RAB5B: variants seen among roughly 807,000 people sequenced by gnomAD.
RAB5B encodes the protein ras-related protein Rab-5B.
RAB5B carries 11 observed loss-of-function variants against 28.6 expected under a neutral mutation model. The ratio of observed to expected loss-of-function variants is 0.38; its 90% CI spans 0.24 to 0.64. The LOEUF is 0.64. RAB5B is among the 30% of genes least tolerant of loss of function. The pLI, the probability that RAB5B is intolerant of heterozygous loss-of-function variation, is 0.53. For missense variants in RAB5B, 169 were observed against 265.6 expected, an observed-to-expected ratio of 0.64 and a Z score of 2.53; for synonymous variants, 93 against 97.9, an observed-to-expected ratio of 0.95 and a Z score of 0.29.
rs186761008 is a variant in RAB5B at position 55,986,862 on chromosome 12, C to A, written c.-92-7C>A. The A allele has an allele frequency of 6.2e-3, 5,450 of 884,894 alleles. 61 individuals are homozygous for A. Among genetic ancestry groups the A allele is most frequent in the Middle Eastern group, 9.9e-3 (29 of 2,938 alleles). The allele number at this position is 884,894 out of a possible 1,614,324, so 54.8% of individuals were successfully genotyped here. On this transcript the variant is annotated splice_polypyrimidine_tract_variant and splice_region_variant and intron_variant, in intron 1 of 5. Transcript: ENST00000360299. ...TGTTTAATTTTATTCACTTTTTTTT[C>A]TTGCAGGAGTGTTGAAGCCTGGAAA... is the stretch of plus-strand genomic sequence containing the variant.
Position 55,996,003 on chromosome 12 carries a change from A to ATATATATATATATTTTTTTTTTTTTTTTT in RAB5B, c.*3792_*3793insATATATATATATTTTTTTTTTTTTTTTTT. ...TATATACATATATATATATATATAT[A>ATATATATATATATTTTTTTTTTTTTTTTT]TTTTTTTTTTAACAACTGGTAGGAT... On this transcript the variant is annotated 3_prime_UTR_variant, in exon 6 of 6. Transcript: ENST00000360299. The ATATATATATATATTTTTTTTTTTTTTTTT allele has an allele frequency of 3.1e-5, 3 of 97,400 alleles. No individual in the cohort carries two copies. Among genetic ancestry groups the ATATATATATATATTTTTTTTTTTTTTTTT allele is most frequent in the African/African-American group, 1.4e-4 (3 of 21,142 alleles). The allele number at this position is 97,400 out of a possible 1,614,324, so 6.0% of individuals were successfully genotyped here. A position where few individuals can be genotyped will look rare whatever the true frequency, so the allele number is the denominator to read the frequency against.
intron 2 of RAB5B, among the ~76,000 whole-genome samples, chr12:55,988,925 CTAAT>C (rs763170412): frequency 2.3e-3 from 321 of 142,498 alleles, no homozygotes; most frequent in Non-Finnish European, 4.0e-3. Context: ...TTAAAATCTT[CTAAT>C]TAATTCTTTT....
rs1890168628 is a variant in RAB5B, at chr12:55,992,606, T to C, written c.*394T>C. On this transcript the variant is annotated 3_prime_UTR_variant, in exon 6 of 6. Transcript: ENST00000360299. ...CCCTTCTGCTTTTGGTCAGTCCCTG[T>C]TCTTGAGCCTCTTTTCTCCTCTCCC... 2.2e-6 allele frequency: 1 copy of C among 444,448 alleles called. No homozygotes were observed. The highest frequency in any genetic ancestry group is 2.0e-5 in the African/African-American group (1 of 48,994). The allele number at this position is 444,448 out of a possible 1,614,324, so 27.5% of individuals were successfully genotyped here.
intron 1 of RAB5B, among the ~76,000 whole-genome samples, chr12:55,979,874 C>G (rs1889750887): frequency 6.6e-6 from 1 of 152,192 alleles, no homozygotes; most frequent in South Asian, 2.1e-4. Flanking sequence ...GGCAGGAGTA[C>G]CTGACTAGGA....
At chr12:55,981,448 C>A (rs892435698) in intron 1 of RAB5B, among the ~76,000 whole-genome samples, 1 of 152,132 alleles carries the variant, frequency 6.6e-6, no homozygotes, top group African/African-American at 2.4e-5. Flanking sequence ...TGGCTCTGAT[C>A]TGCCTGACTG....
At chr12:55,991,863 GT>G in intron 5 of RAB5B, 1 of 476,102 alleles carries the variant, frequency 2.1e-6, no homozygotes, top group Non-Finnish European at 3.8e-6. Context: ...GGAGGTGGAG[GT>G]TGCAGTGAGC....
At position 55,980,453 on chromosome 12, in the gene RAB5B, A is replaced by C. The variant is rs558863633; in HGVS notation, c.-93+6314A>C. ...CAGGGAGCACTTGTTGGTGTTCTTT[A>C]TGTCACAAGTTTTCAGGTCAGTACT... is the stretch of plus-strand genomic sequence containing the variant. On this transcript the variant is annotated intron_variant, in intron 1 of 5. Coordinates refer to ENST00000360299, the MANE Select transcript of RAB5B (RefSeq NM_002868.4). 3.0e-5 allele frequency: 47 copies of C among 1,591,546 alleles called. 1 individual carries two copies. In the African/African-American group the frequency reaches 5.6e-4, roughly 19 times the overall value.
rs202115829 is a variant in RAB5B, at chr12:55,977,461, A to AT, written c.-93+3329dup. Among the ~76,000 whole-genome samples the AT allele has an allele frequency of 4.8e-3, 735 of 152,130 alleles. 6 individuals carry two copies. Among genetic ancestry groups the AT allele is most frequent in the African/African-American group, 0.017 (686 of 41,478 alleles). ...CAAGTCATACCTCATATCTTTTAAA[A>AT]TTTTTTTCCTGGACAATCCCTACTG... On this transcript the variant is annotated intron_variant, in intron 1 of 5. Coordinates refer to ENST00000360299, the MANE Select transcript of RAB5B (RefSeq NM_002868.4).
chr12:55,992,611 GAGC>G lies in RAB5B; in HGVS notation c.*400_*402del, dbSNP rs772313510. The G allele has an allele frequency of 2.2e-4, 98 of 442,462 alleles. No individual in the cohort carries two copies. Among genetic ancestry groups the G allele is most frequent in the Non-Finnish European group, 3.9e-4 (89 of 225,648 alleles). 27.4% of individuals were successfully genotyped at this position (442,462 alleles called of 1,614,324 possible). ...CTGCTTTTGGTCAGTCCCTGTTCTT[GAGC>G]CTCTTTTCTCCTCTCCCCAGGATGC... On this transcript the variant is annotated 3_prime_UTR_variant, in exon 6 of 6. Transcript: ENST00000360299.
chr12:55,975,901 G>GCCTC (rs1889634343), intron 1 of RAB5B, among the ~76,000 whole-genome samples: 1 of 148,638 alleles, frequency 6.7e-6, no homozygotes, highest in African/African-American at 2.5e-5. Flanking sequence ...ACAGGCGTGC[G>GCCTC]CCACCACGCC....
intron 1 of RAB5B, among the ~76,000 whole-genome samples, chr12:55,979,952 T>C (rs1220108442): frequency 6.6e-6 from 1 of 152,184 alleles, no homozygotes; most frequent in Non-Finnish European, 1.5e-5. Context: ...TTTTATTTTA[T>C]TTTTTATTTA....
In RAB5B at chr12:55,990,084, G is replaced by A. The variant is rs781238057; in HGVS notation, c.301G>A (p.Asp101Asn). 83 of 1,613,662 alleles carry A rather than the reference G, an allele frequency of 5.1e-5. No individual in the cohort carries two copies. The highest frequency in any genetic ancestry group is 1.6e-4 in the Middle Eastern group (1 of 6,082). Reference sequence around the variant, plus strand: ...TGCCCAAGCTGCAATCGTGGTTTACGACATTACTAATCAGGTAAGTGAGCT... The same window carrying A: ...TGCCCAAGCTGCAATCGTGGTTTACAACATTACTAATCAGGTAAGTGAGCT... ...RGAQAAIVVYDITNQETFARA... is the reference protein window; with the variant it reads ...RGAQAAIVVYNITNQETFARA... Residue 101 changes from aspartate to asparagine, a missense_variant, in exon 3 of 6, where the codon GAC becomes AAC. This residue lies in a region of RAB5B where 123 missense variants were observed against 162.4 expected (regional missense o/e 0.76). Transcript: ENST00000360299.
rs1890209271 is a variant in RAB5B, at chr12:55,993,832, C to T, written c.*1620C>T. 6.6e-6 allele frequency: 1 copy of T among 152,516 alleles called. No individual in the cohort carries two copies. Among genetic ancestry groups the T allele is most frequent in the Non-Finnish European group, 1.5e-5 (1 of 68,046 alleles). The allele number at this position is 152,516 out of a possible 1,614,324, so 9.4% of individuals were successfully genotyped here. A position where few individuals can be genotyped will look rare whatever the true frequency, so the allele number is the denominator to read the frequency against. ...AGGGAATGACCGGCACTGAAGGTACCTTACAACTGGCTCATATTATCAGAG... is the reference window on the plus strand; with the variant it reads ...AGGGAATGACCGGCACTGAAGGTACTTTACAACTGGCTCATATTATCAGAG... On this transcript the variant is annotated 3_prime_UTR_variant, in exon 6 of 6. Transcript: ENST00000360299.
At chr12:55,980,910 C>T (rs762208634) in intron 1 of RAB5B, 251 of 1,613,210 alleles carry the variant, frequency 1.6e-4, no homozygotes, top group Non-Finnish European at 2.0e-4. Flanking sequence ...AAATCAATTC[C>T]GATGGTGGAG....
rs376282669 is a variant in RAB5B at position 55,982,693 on chromosome 12, A to G, written c.-92-4176A>G. 1.5e-3 allele frequency among the ~76,000 whole-genome samples: 236 copies of G among 152,330 alleles called. 7 individuals carry two copies. The South Asian group carries it at 0.046, about 29-fold the overall frequency. Reference sequence around the variant, plus strand: ...ATCCAAGGTTGCTTAGTAGCAAGAAAGCTTGCTGACCACATCTGGGCTCTG... The same window carrying G: ...ATCCAAGGTTGCTTAGTAGCAAGAAGGCTTGCTGACCACATCTGGGCTCTG... On this transcript the variant is annotated intron_variant, in intron 1 of 5. Transcript: ENST00000360299.
At chr12:55,990,621 A>G in intron 3 of RAB5B, 61 bp from the exon 4 acceptor site, 4 of 1,593,918 alleles carry the variant, frequency 2.5e-6, no homozygotes, top group Non-Finnish European at 2.6e-6. Context: ...CTCATTTTAA[A>G]AGGTGATGGA....
chr12:55,986,943 C>T lies in RAB5B; in HGVS notation c.-18C>T. On this transcript the variant is annotated 5_prime_UTR_variant, in exon 2 of 6. Coordinates refer to ENST00000360299, the MANE Select transcript of RAB5B (RefSeq NM_002868.4). ...GTATCCCCCTCCCTCCACCCTTTCC[C>T]ATTCTGATAATCTGGCCATGACTAG... is the stretch of plus-strand genomic sequence containing the variant. 6.9e-7 allele frequency: 1 copy of T among 1,447,616 alleles called. No individual in the cohort carries two copies. The highest frequency in any genetic ancestry group is 9.4e-7 in the Non-Finnish European group (1 of 1,069,100). 89.7% of individuals were successfully genotyped at this position (1,447,616 alleles called of 1,614,324 possible).
At chr12:55,975,513 C>G (rs954687096) in intron 1 of RAB5B, among the ~76,000 whole-genome samples, 2 of 151,830 alleles carry the variant, frequency 1.3e-5, no homozygotes, top group Non-Finnish European at 1.5e-5. Flanking sequence ...CTTTGGGAGG[C>G]TGAGACAGGA....
At chr12:55,976,357 C>T (rs2136469132) in intron 1 of RAB5B, among the ~76,000 whole-genome samples, 1 of 152,222 alleles carries the variant, frequency 6.6e-6, no homozygotes, top group East Asian at 1.9e-4. Flanking sequence ...TCTACCAAGT[C>T]CGACAAGCAG....
Sources: allele counts gnomAD v4.1 joint callset (sites outside exome capture counted in the v4.1 genomes callset), GRCh38; gene constraint gnomAD v4.1.1; regional missense constraint gnomAD v4.1.1; transcripts MANE v1.5; gene names NCBI Gene and HGNC (gene_info 2026-07-23, HGNC 2026-07-21).